MAGI2: variants seen among roughly 807,000 people sequenced by gnomAD.
The protein encoded by MAGI2 is membrane-associated guanylate kinase, WW and PDZ domain-containing protein 2.
Under a neutral mutation model 133.3 loss-of-function variants are expected in MAGI2, and 35 were observed. The ratio of observed to expected loss-of-function variants is 0.26; its 90% CI spans 0.20 to 0.35. MAGI2 has a LOEUF of 0.35. MAGI2 is among the 10% of genes least tolerant of loss of function. MAGI2 has a pLI of 1.00. For synonymous variants in MAGI2, 729 were observed against 710.6 expected (o/e 1.03, Z -0.41); for missense variants, 1,636 against 1,863.4 (o/e 0.88, Z 2.25).
At chr7:78,356,529 C>A (rs117725873) in intron 7 of MAGI2, among the ~76,000 whole-genome samples, 1 of 152,196 alleles carries the variant, frequency 6.6e-6, no homozygotes, top group East Asian at 1.9e-4. Context: ...TAATTACCCT[C>A]ATCTGATCAC....
intron 6 of MAGI2, among the ~76,000 whole-genome samples, chr7:78,471,073 A>G (rs1206940582): frequency 6.6e-6 from 1 of 152,162 alleles, no homozygotes; most frequent in African/African-American, 2.4e-5. Context: ...GGCCAAAGTA[A>G]GCTAGAGTGC....
chr7:78,111,622 T>C (rs1819371387), intron 20 of MAGI2, among the ~76,000 whole-genome samples: 1 of 152,254 alleles, frequency 6.6e-6, no homozygotes, highest in Non-Finnish European at 1.5e-5. Flanking sequence ...GCAGCTCGTG[T>C]AACTCATTTA....
intron 1 of MAGI2, among the ~76,000 whole-genome samples, chr7:79,378,690 G>A (rs1202981881): frequency 1.3e-5 from 2 of 151,276 alleles, no homozygotes; most frequent in African/African-American, 2.4e-5. Flanking sequence ...CAATCACAAA[G>A]TATATTGTTA....
intron 2 of MAGI2, among the ~76,000 whole-genome samples, chr7:78,942,827 G>A (rs763264561): frequency 2.0e-5 from 3 of 151,398 alleles, no homozygotes; most frequent in Non-Finnish European, 2.9e-5. Context: ...TGAAAGAAGG[G>A]ACCATGTCTA....
chr7:78,213,799 G>A (rs1051593952), intron 10 of MAGI2, among the ~76,000 whole-genome samples: 3 of 152,200 alleles, frequency 2.0e-5, no homozygotes, highest in Non-Finnish European at 2.9e-5. Flanking sequence ...ATTCTGGTTT[G>A]AGGGCTGCCT....
intron 3 of MAGI2, among the ~76,000 whole-genome samples, chr7:78,578,613 G>T (rs1221379907): frequency 6.6e-6 from 1 of 152,074 alleles, no homozygotes; most frequent in Non-Finnish European, 1.5e-5. Flanking sequence ...TATACAGAGA[G>T]AAATAGAAGA....
At position 79,222,019 on chromosome 7, in the gene MAGI2, T is replaced by G. The variant is rs961759279; in HGVS notation, c.302-214813A>C. ...AACAGCTCACCCACTCATTGAAGGG[T>G]ATAATACCATCTTGTGAATAATTAA... On this transcript the variant is annotated intron_variant, in intron 1 of 21. Coordinates refer to ENST00000354212, the MANE Select transcript of MAGI2 (RefSeq NM_012301.4). Among the ~76,000 whole-genome samples the G allele has an allele frequency of 2.0e-5, 3 of 152,104 alleles. No individual in the cohort carries two copies. In the East Asian group the frequency reaches 5.8e-4, roughly 29 times the overall value.
chr7:78,925,039 T>C (rs1021471629), intron 2 of MAGI2, among the ~76,000 whole-genome samples: 1 of 151,978 alleles, frequency 6.6e-6, no homozygotes, highest in Non-Finnish European at 1.5e-5. Context: ...CCCTAAAAGA[T>C]AATTAGAGTC....
chr7:78,176,550 T>G (rs1384409915), intron 14 of MAGI2, among the ~76,000 whole-genome samples: 1 of 152,188 alleles, frequency 6.6e-6, no homozygotes, highest in East Asian at 1.9e-4. Context: ...TGAATACCTC[T>G]TGTGGGAAGG....
chr7:79,379,860 G>A, intron 1 of MAGI2, among the ~76,000 whole-genome samples: 1 of 150,544 alleles, frequency 6.6e-6, no homozygotes, highest in South Asian at 2.1e-4. Context: ...TGTTGATGGG[G>A]TTGTTTGTTT....
intron 1 of MAGI2, among the ~76,000 whole-genome samples, chr7:79,370,402 C>T (rs1358485840): frequency 1.3e-5 from 2 of 152,000 alleles, no homozygotes; most frequent in Non-Finnish European, 2.9e-5. Context: ...TAACATACTG[C>T]TTTGGAAAGC....
chr7:78,812,289 CA>C (rs1412735807), intron 2 of MAGI2, among the ~76,000 whole-genome samples: 4 of 152,106 alleles, frequency 2.6e-5, no homozygotes, highest in Admixed American at 6.6e-5. Flanking sequence ...AAAACTAATA[CA>C]GGTTGTAAAA....
At chr7:78,556,112 T>A (rs894107316) in intron 3 of MAGI2, among the ~76,000 whole-genome samples, 10 of 151,620 alleles carry the variant, frequency 6.6e-5, no homozygotes, top group Non-Finnish European at 8.8e-5. Flanking sequence ...TTCCAAAAAG[T>A]ATATATATAT....
At chr7:78,897,939 G>T (rs1369392333) in intron 2 of MAGI2, among the ~76,000 whole-genome samples, 1 of 152,144 alleles carries the variant, frequency 6.6e-6, no homozygotes, top group Non-Finnish European at 1.5e-5. Flanking sequence ...TGCAAACTAT[G>T]CATGTGAGCA....
At chr7:78,052,745 C>A (rs568089637) in intron 21 of MAGI2, among the ~76,000 whole-genome samples, 1 of 152,288 alleles carries the variant, frequency 6.6e-6, no homozygotes, top group East Asian at 1.9e-4. Flanking sequence ...CCAGAACTGA[C>A]CCCCTATAAG....
chr7:78,855,124 T>C (rs1793519087), intron 2 of MAGI2, among the ~76,000 whole-genome samples: 1 of 152,162 alleles, frequency 6.6e-6, no homozygotes, highest in African/African-American at 2.4e-5. Flanking sequence ...TAACAAGGTC[T>C]GGTTCTGTCA....
chr7:78,752,525 C>T (rs1202905336), intron 2 of MAGI2, among the ~76,000 whole-genome samples: 1 of 152,200 alleles, frequency 6.6e-6, no homozygotes, highest in African/African-American at 2.4e-5. Flanking sequence ...ACTGCTTGAA[C>T]CCGGGAGGCA....
chr7:78,746,884 A>T (rs1822975422), intron 2 of MAGI2, among the ~76,000 whole-genome samples: 1 of 152,224 alleles, frequency 6.6e-6, no homozygotes, highest in African/African-American at 2.4e-5. Context: ...ATAATCTGGC[A>T]TGGAAATATC....
chr7:78,970,001 A>G (rs1211990935), intron 2 of MAGI2, among the ~76,000 whole-genome samples: 1 of 152,046 alleles, frequency 6.6e-6, no homozygotes, highest in South Asian at 2.1e-4. Context: ...TGGTAGCACC[A>G]CAGCTCAGAC....
Sources: gnomAD v4.1 joint callset for allele counts (sites outside exome capture counted in the v4.1 genomes callset) on GRCh38, gnomAD v4.1.1 for gene constraint, MANE v1.5 for transcripts, NCBI Gene and HGNC (gene_info 2026-07-23, HGNC 2026-07-21) for gene names.